Variants in B4GALT6 observed in about 807,000 individuals in gnomAD.
B4GALT6 encodes the protein UDP-Gal:beta-GlcNAc beta-1,4-galactosyltransferase 6.
A neutral mutation model predicts 46.3 loss-of-function variants in B4GALT6; 14 were observed. That is an observed-to-expected ratio of 0.30 (90% CI 0.20 to 0.47). B4GALT6 has a LOEUF of 0.47. Among genes scored for constraint, B4GALT6 ranks in the 20% least tolerant of loss-of-function variants. B4GALT6 has a pLI of 0.99. For missense variants in B4GALT6, 386 were observed against 480.1 expected (o/e 0.80, Z 1.83); for synonymous variants, 168 against 162.0 (o/e 1.04, Z -0.28).
intron 1 of B4GALT6, among the ~76,000 whole-genome samples, chr18:31,670,828 T>G (rs920138975): frequency 1.3e-5 from 2 of 152,140 alleles, no homozygotes; most frequent in African/African-American, 4.8e-5. Flanking sequence ...GGTTTACACA[T>G]GCCATGGTGG....
In B4GALT6 at chr18:31,645,497, A is replaced by G. The variant is rs764297278; in HGVS notation, c.347-18T>C. The G allele has an allele frequency of 1.2e-6, 2 of 1,601,516 alleles. No individual in the cohort carries two copies. Among genetic ancestry groups the G allele is most frequent in the Admixed American group, 1.8e-5 (1 of 56,562 alleles). ...GAATCCTCCTACAAATTAAAAATGT[A>G]AAGAATTGTTTTAATATTTTTTGCC... On this transcript the variant is annotated intron_variant, in intron 3 of 8. Transcript: ENST00000306851.
At chr18:31,707,048 T>C in the B4GALT6 span, among the ~76,000 whole-genome samples, 1 of 152,150 alleles carries the variant, frequency 6.6e-6, no homozygotes, top group Non-Finnish European at 1.5e-5. Context: ...ACATTACCTA[T>C]ACTACTCTGT....
chr18:31,684,614 G>A (rs2074521613), upstream of B4GALT6: 7 of 1,295,356 alleles, frequency 5.4e-6, no homozygotes, highest in Non-Finnish European at 6.9e-6. Flanking sequence ...ATGAATGGGA[G>A]GCCAGAGAGT....
chr18:31,656,407 T>C (rs1237203970), intron 3 of B4GALT6, among the ~76,000 whole-genome samples: 1 of 152,018 alleles, frequency 6.6e-6, no homozygotes, highest in Non-Finnish European at 1.5e-5. Flanking sequence ...GGGGCAGGGG[T>C]AGAAGATACA....
chr18:31,638,301 G>T (rs1249668732), intron 5 of B4GALT6, among the ~76,000 whole-genome samples: 1 of 152,136 alleles, frequency 6.6e-6, no homozygotes, highest in African/African-American at 2.4e-5. Flanking sequence ...GCCGAGGGGG[G>T]TGGATCACGA....
rs1429850006 is a variant in B4GALT6 at position 31,645,450 on chromosome 18, C to T, written c.376G>A (p.Val126Ile). The T allele has an allele frequency of 1.2e-6, 2 of 1,613,160 alleles. No homozygotes were observed. Among genetic ancestry groups the T allele is most frequent in the East Asian group, 4.5e-5 (2 of 44,860 alleles). The change falls in exon 4 of 9, where the codon GTC becomes ATC. Residue 126 changes from valine (V) to isoleucine (I), a missense_variant. Val to Ile is a conservative substitution (Grantham distance 29). Transcript: ENST00000306851. ...AGTTGATGAATTTCATCAAAACTGA[C>T]TTCGCTTACATTGACATTGAGGAAT... is the stretch of plus-strand genomic sequence containing the variant. Reference protein sequence around the residue: ...RGFLNVNVSEVSFDEIHQLFS... With the variant: ...RGFLNVNVSEISFDEIHQLFS...
intron 1 of B4GALT6, among the ~76,000 whole-genome samples, chr18:31,674,853 TA>T (rs1188667773): frequency 0.017 from 2,431 of 146,496 alleles, 59 homozygotes; most frequent in African/African-American, 0.053. Flanking sequence ...CCAGGCTGTT[TA>T]AAAAAAAAAA....
intron 1 of B4GALT6, among the ~76,000 whole-genome samples, chr18:31,679,255 T>TTAG (rs1048858608): frequency 2.0e-5 from 3 of 152,224 alleles, no homozygotes; most frequent in African/African-American, 7.2e-5. Flanking sequence ...AAAATAGCAG[T>TTAG]TAGCATTGCC....
the B4GALT6 span, among the ~76,000 whole-genome samples, chr18:31,719,362 G>A: frequency 6.6e-6 from 1 of 152,188 alleles, no homozygotes; most frequent in East Asian, 1.9e-4. Flanking sequence ...CAACTCATCT[G>A]GCAACCTGCT....
At position 31,666,337 on chromosome 18, in the gene B4GALT6, T is replaced by A; in HGVS notation, c.151A>T (p.Ile51Leu). ...TYLFMVQARG[I>L]MLRENVKTIG... ...GTTTTCACATTTTCTCTCAACATTA[T>A]ACCTCGAGCTTGTACCATAAAGAGA... Residue 51 changes from isoleucine (I) to leucine (L), a missense_variant, in exon 2 of 9, where the codon ATA becomes TTA. Physicochemically the swap from Ile to Leu is conservative, Grantham distance 5. Transcript: ENST00000306851. 1.9e-6 allele frequency: 3 copies of A among 1,609,476 alleles called. No individual in the cohort carries two copies. Among genetic ancestry groups the A allele is most frequent in the Non-Finnish European group, 1.7e-6 (2 of 1,177,094 alleles).
upstream of B4GALT6, among the ~76,000 whole-genome samples, chr18:31,689,053 C>A (rs1447616191): frequency 6.6e-6 from 1 of 152,172 alleles, no homozygotes; most frequent in Non-Finnish European, 1.5e-5. Context: ...AGGGGAAAAA[C>A]TGGTACATAA....
the B4GALT6 span, among the ~76,000 whole-genome samples, chr18:31,717,139 C>G: frequency 6.6e-6 from 1 of 151,930 alleles, no homozygotes. Context: ...ATGTTTATAG[C>G]AGTTTTATTC....
At chr18:31,639,156 G>A (rs1304143985) in intron 4 of B4GALT6, among the ~76,000 whole-genome samples, 1 of 152,150 alleles carries the variant, frequency 6.6e-6, no homozygotes, top group Non-Finnish European at 1.5e-5. Flanking sequence ...ACAGGTAATG[G>A]TAGCTTAAAC....
the B4GALT6 span, among the ~76,000 whole-genome samples, chr18:31,696,378 T>C: frequency 6.6e-6 from 1 of 152,216 alleles, no homozygotes; most frequent in Non-Finnish European, 1.5e-5. Flanking sequence ...AGGCCCTCCA[T>C]TCCATTTAGA....
chr18:31,654,078 C>G (rs1405892496), intron 3 of B4GALT6, among the ~76,000 whole-genome samples: 1 of 152,122 alleles, frequency 6.6e-6, no homozygotes. Flanking sequence ...TTGTTATATT[C>G]ATAAGGTTAG....
At chr18:31,678,581 T>A (rs2074442922) in intron 1 of B4GALT6, among the ~76,000 whole-genome samples, 1 of 152,248 alleles carries the variant, frequency 6.6e-6, no homozygotes, top group African/African-American at 2.4e-5. Flanking sequence ...AACAATGATG[T>A]GTGACACTTT....
intron 1 of B4GALT6, among the ~76,000 whole-genome samples, chr18:31,672,276 AG>A (rs1432357224): frequency 3.3e-5 from 5 of 152,204 alleles, no homozygotes; most frequent in African/African-American, 9.7e-5. Context: ...TGATTTTGAG[AG>A]GGAGATGATG....
upstream of B4GALT6, among the ~76,000 whole-genome samples, chr18:31,685,315 G>C (rs1225813685): frequency 6.6e-6 from 1 of 151,526 alleles, no homozygotes; most frequent in Admixed American, 6.6e-5. Flanking sequence ...GGGCAGAGCC[G>C]GGGAGCCGGA....
At chr18:31,640,158 T>A (rs996774755) in intron 4 of B4GALT6, among the ~76,000 whole-genome samples, 1 of 152,162 alleles carries the variant, frequency 6.6e-6, no homozygotes, top group Non-Finnish European at 1.5e-5. Flanking sequence ...CTGGATTTTT[T>A]AAATATACAA....
Sources: allele counts gnomAD v4.1 joint callset (sites outside exome capture counted in the v4.1 genomes callset), GRCh38; gene constraint gnomAD v4.1.1; transcripts MANE v1.5; gene names NCBI Gene and HGNC (gene_info 2026-07-23, HGNC 2026-07-21).